The following GNA14 variants were observed in gnomAD, a reference collection of about 807,000 sequenced individuals.
The protein encoded by GNA14 is G protein subunit alpha 14, also known as guanine nucleotide-binding protein subunit alpha-14.
In GNA14, 50 loss-of-function variants were observed where a neutral mutation model predicts 42.0. The observed-to-expected ratio is 1.19, with a 90% CI of 0.95 to 1.51. The LOEUF (loss-of-function observed/expected upper bound fraction) is 1.51. Among genes scored for constraint, GNA14 ranks in the 40% most tolerant of loss-of-function variants. GNA14 has a pLI of 0.00. For synonymous variants in GNA14, 173 were observed against 163.1 expected (o/e 1.06, Z -0.46); for missense variants, 473 against 446.2 (o/e 1.06, Z -0.54).
chr9:77,570,164 CAAAT>C (rs1167771691), intron 1 of GNA14, among the ~76,000 whole-genome samples: 4 of 152,014 alleles, frequency 2.6e-5, no homozygotes, highest in African/African-American at 4.8e-5. Context: ...TTAAACTAAA[CAAAT>C]AAATATATAT....
intron 2 of GNA14, among the ~76,000 whole-genome samples, chr9:77,513,097 G>A (rs1412770506): frequency 2.0e-5 from 3 of 152,210 alleles, no homozygotes; most frequent in African/African-American, 7.2e-5. Flanking sequence ...TGACAGTTGT[G>A]TAAGCCAGCT....
At chr9:77,452,477 T>C in intron 2 of GNA14, among the ~76,000 whole-genome samples, 1 of 150,304 alleles carries the variant, frequency 6.7e-6, no homozygotes. Context: ...AAAAGTTCCT[T>C]GATCAAATTA....
At chr9:77,535,327 G>A (rs1281980416) in intron 1 of GNA14, among the ~76,000 whole-genome samples, 5 of 152,180 alleles carry the variant, frequency 3.3e-5, no homozygotes, top group South Asian at 2.1e-4. Context: ...GGAGGATCAC[G>A]AAGTCAGGAG....
chr9:77,427,706 T>A (rs982657495), intron 5 of GNA14, among the ~76,000 whole-genome samples: 12 of 124,886 alleles, frequency 9.6e-5, no homozygotes, highest in African/African-American at 3.3e-4. Flanking sequence ...ACTGATGGAA[T>A]TGGAAGCAGC....
chr9:77,551,159 C>T (rs1837781294), intron 1 of GNA14, among the ~76,000 whole-genome samples: 1 of 152,134 alleles, frequency 6.6e-6, no homozygotes, highest in Non-Finnish European at 1.5e-5. Flanking sequence ...AATGTATGTG[C>T]CTGCAAATCA....
intron 1 of GNA14, 93 bp from the exon 2 acceptor site, chr9:77,529,346 C>T: frequency 1.1e-6 from 1 of 951,812 alleles, no homozygotes; most frequent in Non-Finnish European, 1.7e-6. Flanking sequence ...TAATCCACAT[C>T]CCAATTAATA....
intron 1 of GNA14, among the ~76,000 whole-genome samples, 173 bp downstream of exon 1, chr9:77,647,497 G>A (rs952463159): frequency 1.3e-5 from 2 of 152,208 alleles, no homozygotes; most frequent in Non-Finnish European, 2.9e-5. Flanking sequence ...GAGATGGAAA[G>A]AACAGGCACC....
At chr9:77,573,443 C>T (rs556208585) in intron 1 of GNA14, among the ~76,000 whole-genome samples, 8 of 151,212 alleles carry the variant, frequency 5.3e-5, no homozygotes, top group South Asian at 2.1e-4. Flanking sequence ...AGTGACATTC[C>T]GTCTCAAAAA....
At chr9:77,608,747 TGCTTTTTAATAA>T (rs1823680843) in intron 1 of GNA14, among the ~76,000 whole-genome samples, 1 of 145,310 alleles carries the variant, frequency 6.9e-6, no homozygotes, top group Admixed American at 6.7e-5. Context: ...TTTTTTTTTT[TGCTTTTTAATAA>T]TTTTTTCTAA....
chr9:77,463,756 C>T (rs117282041), intron 2 of GNA14, among the ~76,000 whole-genome samples: 1,485 of 147,092 alleles, frequency 0.01, 11 homozygotes, highest in Non-Finnish European at 0.015. Flanking sequence ...CCAGGAACCC[C>T]CACCAAGGAC....
At chr9:77,625,007 A>G (rs1277043811) in intron 1 of GNA14, among the ~76,000 whole-genome samples, 1 of 151,972 alleles carries the variant, frequency 6.6e-6, no homozygotes, top group Non-Finnish European at 1.5e-5. Context: ...AAGAACCTTG[A>G]AAAAAAGGCT....
At chr9:77,532,131 C>T (rs1837538592) in intron 1 of GNA14, among the ~76,000 whole-genome samples, 1 of 151,034 alleles carries the variant, frequency 6.6e-6, no homozygotes, top group Middle Eastern at 3.2e-3. Context: ...TTTTTTTTTT[C>T]CAGAAGGGAA....
intron 2 of GNA14, among the ~76,000 whole-genome samples, chr9:77,502,600 C>A (rs1043080480): frequency 6.6e-6 from 1 of 152,078 alleles, no homozygotes; most frequent in African/African-American, 2.4e-5. Flanking sequence ...TTGGGGTGGC[C>A]TTGTTAATGT....
intron 1 of GNA14, among the ~76,000 whole-genome samples, chr9:77,582,063 T>C (rs1487981013): frequency 6.6e-6 from 1 of 152,230 alleles, no homozygotes; most frequent in Non-Finnish European, 1.5e-5. Flanking sequence ...TCACAAATTA[T>C]TTTTTCTCCA....
chr9:77,527,171 C>A (rs1053891125), intron 2 of GNA14, among the ~76,000 whole-genome samples: 1 of 152,162 alleles, frequency 6.6e-6, no homozygotes, highest in African/African-American at 2.4e-5. Flanking sequence ...GAAATCACCC[C>A]CCAAGAACAT....
At chr9:77,554,560 C>G (rs183022107) in intron 1 of GNA14, among the ~76,000 whole-genome samples, 1 of 152,126 alleles carries the variant, frequency 6.6e-6, no homozygotes, top group Non-Finnish European at 1.5e-5. Flanking sequence ...TATTTTGATA[C>G]TAAAGTCATC....
At chr9:77,433,822 C>T (rs1034018686) in intron 3 of GNA14, among the ~76,000 whole-genome samples, 6 of 152,198 alleles carry the variant, frequency 3.9e-5, no homozygotes, top group East Asian at 1.9e-4. Context: ...AAGGATTGAG[C>T]TTCCTGTGTG....
Position 77,423,097 on chromosome 9 carries a change from T to G in GNA14, c.*882A>C, listed in dbSNP as rs1021086568. ...CCAGTGCTAATAGCAGAATGGTATA[T>G]TCTTAGCCTCCTCAGAAAGGCACAG... On this transcript the variant is annotated 3_prime_UTR_variant, in exon 7 of 7. Coordinates refer to ENST00000341700, the MANE Select transcript of GNA14 (RefSeq NM_004297.4). 1.3e-5 allele frequency: 2 copies of G among 152,136 alleles called. No individual in the cohort carries two copies. The highest frequency in any genetic ancestry group is 2.9e-5 in the Non-Finnish European group (2 of 68,032). The allele number at this position is 152,136 out of a possible 1,614,324, so 9.4% of individuals were successfully genotyped here. A position where few individuals can be genotyped will look rare whatever the true frequency, so the allele number is the denominator to read the frequency against.
intron 2 of GNA14, among the ~76,000 whole-genome samples, chr9:77,458,065 AG>A (rs1187680832): frequency 2.0e-5 from 3 of 152,228 alleles, no homozygotes; most frequent in African/African-American, 4.8e-5. Context: ...GATAGCCCAC[AG>A]GCATTTCTGC....
Sources: allele counts gnomAD v4.1 joint callset (sites outside exome capture counted in the v4.1 genomes callset), GRCh38; gene constraint gnomAD v4.1.1; transcripts MANE v1.5; gene names NCBI Gene and HGNC (gene_info 2026-07-23, HGNC 2026-07-21).